The following EIF2AK3 variants were observed in gnomAD, a reference collection of about 807,000 sequenced individuals.
EIF2AK3 encodes eukaryotic translation initiation factor 2-alpha kinase 3.
A neutral mutation model predicts 113.5 loss-of-function variants in EIF2AK3; 50 were observed. That is an observed-to-expected ratio of 0.44 (90% confidence interval 0.35 to 0.56). The LOEUF is 0.56. EIF2AK3 is among the 20% of genes least tolerant of loss of function. EIF2AK3 has a pLI of 0.00. For missense variants in EIF2AK3, 1,185 were observed against 1,378.0 expected (o/e 0.86, Z 2.22); for synonymous variants, 448 against 495.4 (o/e 0.90, Z 1.27).
chr2:88,620,951 T>C (rs1182447674), intron 1 of EIF2AK3, among the ~76,000 whole-genome samples: 1 of 152,140 alleles, frequency 6.6e-6, no homozygotes, highest in African/African-American at 2.4e-5. Context: ...GACAAACATA[T>C]TATCTACACA....
chr2:88,588,060 C>A lies in EIF2AK3; in HGVS notation c.1351G>T (p.Asp451Tyr). 1 of 1,556,528 alleles carries A rather than the reference C, an allele frequency of 6.4e-7. No homozygotes were observed. The highest frequency in any genetic ancestry group is 8.8e-7 in the Non-Finnish European group (1 of 1,134,502). The change falls in exon 8 of 17, where the codon GAC becomes TAC. Residue 451 changes from aspartate to tyrosine, a missense_variant. Asp to Tyr is a radical substitution (Grantham distance 160). Coordinates refer to ENST00000303236, the MANE Select transcript of EIF2AK3 (RefSeq NM_004836.7). ...TPVLVGSDEF[D>Y]KCLSNDKFSH... ...AACTTATCATTACTGAGACATTTGT[C>A]AAATTCATCAGATCCTACCAAGACA...
At chr2:88,593,537 TAAG>T in intron 3 of EIF2AK3, 132 bp from the exon 4 acceptor site, 2 of 1,067,864 alleles carry the variant, frequency 1.9e-6, no homozygotes, top group Non-Finnish European at 2.7e-6. Context: ...ACTCAAGTCA[TAAG>T]AAGCATCAGT....
chr2:88,624,767 A>C (rs1201957301), intron 1 of EIF2AK3: 1 of 152,042 alleles, frequency 6.6e-6, no homozygotes, highest in African/African-American at 2.4e-5. Context: ...TGCTCCCTTA[A>C]ACCTCTTTTG....
intron 14 of EIF2AK3, among the ~76,000 whole-genome samples, chr2:88,570,595 A>AT (rs1460983472): frequency 6.6e-6 from 1 of 152,226 alleles, no homozygotes; most frequent in Non-Finnish European, 1.5e-5. Context: ...GGAGGGTGGC[A>AT]TTCAAAGTCT....
chr2:88,611,529 A>G (rs752570359), intron 2 of EIF2AK3, among the ~76,000 whole-genome samples: 1 of 152,102 alleles, frequency 6.6e-6, no homozygotes, highest in Non-Finnish European at 1.5e-5. Context: ...TATGAAGTAG[A>G]AAATGAAAAT....
In EIF2AK3 at chr2:88,576,621, C is replaced by A. The variant is rs1031139865; in HGVS notation, c.1969G>T (p.Ala657Ser). 1 of 1,614,154 alleles carries A rather than the reference C, an allele frequency of 6.2e-7. No individual in the cohort carries two copies. Among genetic ancestry groups the A allele is most frequent in the African/African-American group, 1.3e-5 (1 of 75,050 alleles). ...TTCTCTGGTGGTGCTTCGAGCCAGG[C>A]ATTGAAATATCTAACAATGCCCGGG... ...EHPGIVRYFN[A>S]WLEAPPEKWQ... is the part of the protein sequence containing the mutation. Residue 657 changes from alanine to serine, a missense_variant, in exon 12 of 17, where the codon GCC becomes TCC. Physicochemically the swap from Ala to Ser is moderately conservative, Grantham distance 99. Coordinates refer to ENST00000303236, the MANE Select transcript of EIF2AK3 (RefSeq NM_004836.7).
At chr2:88,595,893 T>C (rs1272764195) in intron 2 of EIF2AK3, 5 of 575,014 alleles carry the variant, frequency 8.7e-6, no homozygotes, top group Admixed American at 5.9e-5. Context: ...GCCCTACACA[T>C]AGTACTCTAG....
intron 2 of EIF2AK3, among the ~76,000 whole-genome samples, chr2:88,596,470 C>T (rs1255568242): frequency 3.3e-5 from 5 of 151,824 alleles, no homozygotes; most frequent in East Asian, 1.9e-4. Context: ...TGATAAATGC[C>T]GTTAAAAAAA....
At chr2:88,626,251 A>T (rs1675854401) in intron 1 of EIF2AK3, among the ~76,000 whole-genome samples, 1 of 152,200 alleles carries the variant, frequency 6.6e-6, no homozygotes, top group Non-Finnish European at 1.5e-5. Context: ...TTATACAGTA[A>T]ACCCCTTATT....
chr2:88,603,214 C>T (rs1675196568), intron 2 of EIF2AK3, among the ~76,000 whole-genome samples: 1 of 152,212 alleles, frequency 6.6e-6, no homozygotes. Context: ...TACTATGTGA[C>T]CTCGGATAAA....
Position 88,592,146 on chromosome 2 carries a change from TA to T in EIF2AK3, c.768-1095del, listed in dbSNP as rs949513308. Reference sequence around the variant, plus strand: ...CAATTTAAAACTTAAATATTAGGTTTAAAAAAAATCAAGCATTTGATGTAGA... The same window carrying T: ...CAATTTAAAACTTAAATATTAGGTTTAAAAAAATCAAGCATTTGATGTAGA... On this transcript the variant is annotated intron_variant, in intron 4 of 16. Transcript: ENST00000303236. 5.2e-4 allele frequency among the ~76,000 whole-genome samples: 79 copies of T among 152,158 alleles called. 1 individual carries two copies. The highest frequency in any genetic ancestry group is 1.8e-3 in the African/African-American group (76 of 41,528).
intron 7 of EIF2AK3, among the ~76,000 whole-genome samples, chr2:88,588,390 A>G (rs887887572): frequency 3.3e-5 from 5 of 152,178 alleles, no homozygotes; most frequent in Non-Finnish European, 7.4e-5. Context: ...ACAGTATTTG[A>G]TTTCTATTCG....
chr2:88,613,040 T>C (rs1219710940), intron 2 of EIF2AK3, among the ~76,000 whole-genome samples: 3 of 152,150 alleles, frequency 2.0e-5, no homozygotes, highest in Admixed American at 1.3e-4. Flanking sequence ...AAACTAAAGG[T>C]GAGGAAAATC....
intron 15 of EIF2AK3, among the ~76,000 whole-genome samples, chr2:88,562,081 C>T (rs945175579): frequency 2.0e-5 from 3 of 152,138 alleles, no homozygotes; most frequent in Non-Finnish European, 2.9e-5. Flanking sequence ...TAAGAACAAA[C>T]AATCTAACCA....
At chr2:88,616,251 G>A (rs1573423332) in intron 1 of EIF2AK3, among the ~76,000 whole-genome samples, 2 of 151,948 alleles carry the variant, frequency 1.3e-5, no homozygotes. Flanking sequence ...CCACCTACCT[G>A]ATTTAGACTG....
intron 14 of EIF2AK3, among the ~76,000 whole-genome samples, chr2:88,562,743 C>G (rs546844442): frequency 6.6e-6 from 1 of 152,312 alleles, no homozygotes; most frequent in East Asian, 1.9e-4. Context: ...GGAACGCTAT[C>G]TAAAGCAAAT....
chr2:88,559,018 G>C (rs1673867796), intron 15 of EIF2AK3, 39 bp from the exon 16 acceptor site: 1 of 1,362,058 alleles, frequency 7.3e-7, no homozygotes, highest in Non-Finnish European at 1.0e-6. Flanking sequence ...AGTTTATTTT[G>C]ACATACAACA....
At chr2:88,558,475 C>G (rs1309673547) in intron 16 of EIF2AK3, among the ~76,000 whole-genome samples, 1 of 152,134 alleles carries the variant, frequency 6.6e-6, no homozygotes, top group Non-Finnish European at 1.5e-5. Context: ...GGAATAGATT[C>G]ATCAAGTTTG....
intron 11 of EIF2AK3, among the ~76,000 whole-genome samples, chr2:88,576,960 G>T (rs1221653737): frequency 6.6e-6 from 1 of 151,390 alleles, no homozygotes; most frequent in African/African-American, 2.4e-5. Context: ...ACTAAAATTA[G>T]AAACAGATGA....
Sources: allele counts gnomAD v4.1 joint callset (sites outside exome capture counted in the v4.1 genomes callset), GRCh38; gene constraint gnomAD v4.1.1; transcripts MANE v1.5; gene names NCBI Gene and HGNC (gene_info 2026-07-23, HGNC 2026-07-21).